TMEM132D: variants seen among roughly 807,000 people sequenced by gnomAD.
TMEM132D encodes the protein mature OL transmembrane protein.
Under a neutral mutation model 62.3 loss-of-function variants are expected in TMEM132D, and 21 were observed. That is an observed-to-expected ratio of 0.34 (90% CI 0.24 to 0.49). TMEM132D has a LOEUF of 0.49. Among genes scored for constraint, TMEM132D ranks in the 20% least tolerant of loss-of-function variants. TMEM132D has a pLI of 0.99. For synonymous variants in TMEM132D, 621 were observed against 575.6 expected (o/e 1.08, Z -1.13); for missense variants, 1,346 against 1,402.8 (o/e 0.96, Z 0.65).
intron 5 of TMEM132D, among the ~76,000 whole-genome samples, chr12:129,117,621 G>T (rs986742985): frequency 6.6e-6 from 1 of 152,144 alleles, no homozygotes; most frequent in Non-Finnish European, 1.5e-5. Context: ...CTTTCTCCTG[G>T]GGCTGCACTT....
intron 3 of TMEM132D, among the ~76,000 whole-genome samples, chr12:129,420,659 CCCAA>C (rs1227851948): frequency 1.3e-5 from 2 of 152,248 alleles, no homozygotes; most frequent in Admixed American, 1.3e-4. Flanking sequence ...ATGTGTGGAG[CCCAA>C]CCAACGCTCA....
At position 129,615,230 on chromosome 12, in the gene TMEM132D, TG is replaced by T. The variant is rs549931648; in HGVS notation, c.969-84026del. 3.0e-3 allele frequency among the ~76,000 whole-genome samples: 455 copies of T among 152,210 alleles called. 1 individual carries two copies. Among genetic ancestry groups the T allele is most frequent in the Non-Finnish European group, 4.3e-3 (291 of 68,014 alleles). ...AGAACAGGGAAATGTGGATTTTGTCTGGGGATGAATCACTGAATTATTTCAC... is the reference window on the plus strand; with the variant it reads ...AGAACAGGGAAATGTGGATTTTGTCTGGGATGAATCACTGAATTATTTCAC... On this transcript the variant is annotated intron_variant, in intron 2 of 8. Coordinates refer to ENST00000422113, the MANE Select transcript of TMEM132D (RefSeq NM_133448.3).
chr12:129,838,687 T>A (rs570571054), intron 1 of TMEM132D, among the ~76,000 whole-genome samples: 3 of 152,250 alleles, frequency 2.0e-5, no homozygotes, highest in African/African-American at 7.2e-5. Flanking sequence ...AAAAATAGTA[T>A]TCATAGGATA....
At chr12:129,177,666 G>A (rs963392753) in intron 5 of TMEM132D, among the ~76,000 whole-genome samples, 2 of 152,210 alleles carry the variant, frequency 1.3e-5, no homozygotes, top group African/African-American at 4.8e-5. Flanking sequence ...GCTGAGGCGG[G>A]AGGATTGCTT....
intron 1 of TMEM132D, among the ~76,000 whole-genome samples, chr12:129,847,952 G>A (rs140188290): frequency 1.3e-5 from 2 of 152,212 alleles, no homozygotes; most frequent in Middle Eastern, 3.4e-3. Context: ...GGGACTCCAA[G>A]CAGAATGACA....
chr12:129,688,382 C>T (rs768465635), intron 2 of TMEM132D, among the ~76,000 whole-genome samples: 1 of 152,160 alleles, frequency 6.6e-6, no homozygotes, highest in Admixed American at 6.5e-5. Flanking sequence ...TTTTTAAAGA[C>T]CCTGAAACCA....
intron 2 of TMEM132D, among the ~76,000 whole-genome samples, chr12:129,628,995 GTCTC>G (rs574206937): frequency 1.3e-5 from 2 of 148,786 alleles, no homozygotes; most frequent in African/African-American, 2.5e-5. Flanking sequence ...CTGCCCCTCT[GTCTC>G]TCTCTCTCTC....
intron 2 of TMEM132D, among the ~76,000 whole-genome samples, chr12:129,535,777 C>CGTGTGTGTGTGT (rs779067793): frequency 5.0e-4 from 37 of 74,698 alleles, no homozygotes; most frequent in Non-Finnish European, 6.3e-4. Context: ...GATTTGTGTG[C>CGTGTGTGTGTGT]GTGTGTGTGT....
chr12:129,889,147 T>C (rs900294847), intron 1 of TMEM132D, among the ~76,000 whole-genome samples: 8 of 152,332 alleles, frequency 5.3e-5, no homozygotes, highest in South Asian at 2.1e-4. Flanking sequence ...TCTAGGTCCG[T>C]AGAGCCTCAC....
intron 3 of TMEM132D, among the ~76,000 whole-genome samples, chr12:129,413,977 C>T (rs1286486697): frequency 1.3e-5 from 2 of 152,214 alleles, no homozygotes; most frequent in East Asian, 3.9e-4. Flanking sequence ...CCAGCCAGAA[C>T]ACAACCGACA....
At chr12:129,369,991 G>A (rs944182063) in intron 3 of TMEM132D, among the ~76,000 whole-genome samples, 2 of 152,278 alleles carry the variant, frequency 1.3e-5, no homozygotes, top group African/African-American at 4.8e-5. Flanking sequence ...CAGGGGTGGG[G>A]GCTGTGGCCA....
intron 2 of TMEM132D, among the ~76,000 whole-genome samples, chr12:129,661,266 G>A (rs528421561): frequency 2.0e-5 from 3 of 152,174 alleles, no homozygotes; most frequent in African/African-American, 4.8e-5. Context: ...CTGGAGTGGC[G>A]ATCTCAGGGC....
At chr12:129,474,522 GC>G (rs1206214585) in intron 3 of TMEM132D, among the ~76,000 whole-genome samples, 3 of 152,170 alleles carry the variant, frequency 2.0e-5, no homozygotes, top group Non-Finnish European at 4.4e-5. Context: ...TTGACTTCCA[GC>G]CCAGTGTTCT....
At chr12:129,269,432 C>A (rs1309089343) in intron 4 of TMEM132D, among the ~76,000 whole-genome samples, 3 of 152,030 alleles carry the variant, frequency 2.0e-5, no homozygotes, top group African/African-American at 7.3e-5. Flanking sequence ...CCTTCCATCT[C>A]CCCTGTTAGA....
At chr12:129,188,435 C>A (rs1309487755) in intron 5 of TMEM132D, among the ~76,000 whole-genome samples, 5 of 152,178 alleles carry the variant, frequency 3.3e-5, no homozygotes, top group Non-Finnish European at 7.3e-5. Flanking sequence ...AATAAATGCT[C>A]ACTCTTTCAA....
intron 2 of TMEM132D, among the ~76,000 whole-genome samples, chr12:129,650,583 A>G (rs1379844290): frequency 1.3e-5 from 2 of 152,224 alleles, no homozygotes; most frequent in African/African-American, 4.8e-5. Flanking sequence ...GTGGAAGGTG[A>G]GAGTCCTGGC....
Position 129,314,443 on chromosome 12 carries a change from C to A in TMEM132D, c.1299+23191G>T, listed in dbSNP as rs537106952. On this transcript the variant is annotated intron_variant, in intron 4 of 8. Coordinates refer to ENST00000422113, the MANE Select transcript of TMEM132D (RefSeq NM_133448.3). The stretch of plus-strand genomic sequence containing the variant: ...TGGCTGTAAGTATTTGGGTTTATTT[C>A]TGGGTTCTCTATTCTGTTCCATTGG... 3.8e-4 allele frequency among the ~76,000 whole-genome samples: 58 copies of A among 152,226 alleles called. 1 individual carries two copies. Among genetic ancestry groups the A allele is most frequent in the Middle Eastern group, 3.4e-3 (1 of 294 alleles).
At chr12:129,535,052 A>G (rs1876341405) in intron 2 of TMEM132D, among the ~76,000 whole-genome samples, 1 of 152,208 alleles carries the variant, frequency 6.6e-6, no homozygotes, top group African/African-American at 2.4e-5. Context: ...CCTCCTGTGA[A>G]CATCCATTGC....
chr12:129,365,241 C>A (rs1870367390), intron 3 of TMEM132D, among the ~76,000 whole-genome samples: 1 of 152,080 alleles, frequency 6.6e-6, no homozygotes, highest in Non-Finnish European at 1.5e-5. Context: ...TCTTATCTGA[C>A]CTGTGAACAC....
Sources: gnomAD v4.1 joint callset for allele counts (sites outside exome capture counted in the v4.1 genomes callset) on GRCh38, gnomAD v4.1.1 for gene constraint, MANE v1.5 for transcripts, NCBI Gene and HGNC (gene_info 2026-07-23, HGNC 2026-07-21) for gene names.